Variants in PTPRQ observed in about 807,000 individuals in gnomAD.
PTPRQ encodes protein tyrosine phosphatase receptor type Q.
In PTPRQ, 199 loss-of-function variants were observed where a neutral mutation model predicts 246.0. The observed-to-expected ratio is 0.81, with a 90% CI of 0.72 to 0.91. The LOEUF (loss-of-function observed/expected upper bound fraction) is 0.91. Among genes scored for constraint, PTPRQ ranks in the 40% least tolerant of loss-of-function variants. The pLI is 0.00. For missense variants in PTPRQ, 2,624 were observed against 2,528.4 expected, an observed-to-expected ratio of 1.04 and a Z score of -0.81; for synonymous variants, 869 against 853.2, an observed-to-expected ratio of 1.02 and a Z score of -0.32.
At chr12:80,482,318 C>T (rs1338990719) in intron 8 of PTPRQ, among the ~76,000 whole-genome samples, 3 of 151,618 alleles carry the variant, frequency 2.0e-5, no homozygotes, top group African/African-American at 7.3e-5. Context: ...AACTGGCTAG[C>T]CATATGTAGA....
Position 80,648,937 on chromosome 12 carries a change from A to ATAT in PTPRQ, c.5942+16_5942+18dup, listed in dbSNP as rs1170962817. 1 of 1,501,658 alleles carries ATAT rather than the reference A, an allele frequency of 6.7e-7. No individual in the cohort carries two copies. The highest frequency in any genetic ancestry group is 8.9e-7 in the Non-Finnish European group (1 of 1,124,644). 93.0% of individuals were successfully genotyped at this position (1,501,658 alleles called of 1,614,324 possible). A position where few individuals can be genotyped will look rare whatever the true frequency, so the allele number is the denominator to read the frequency against. Reference sequence around the variant, plus strand: ...AAAATCCATCAAGTAAGTTTGTTAAATATTTTCTTTCTTCTTTTTGAATAT... The same window carrying ATAT: ...AAAATCCATCAAGTAAGTTTGTTAAATATTATTTTCTTTCTTCTTTTTGAATAT... On this transcript the variant is annotated intron_variant, in intron 36 of 44. Coordinates refer to ENST00000644991, the MANE Select transcript of PTPRQ (RefSeq NM_001145026.2).
chr12:80,559,943 A>G (rs766663324), intron 25 of PTPRQ, among the ~76,000 whole-genome samples: 5 of 152,154 alleles, frequency 3.3e-5, no homozygotes, highest in Admixed American at 6.5e-5. Context: ...CTGTTCCTCA[A>G]CCTTGGGAAC....
intron 16 of PTPRQ, 80 bp from the exon 17 acceptor site, chr12:80,510,243 A>G: frequency 7.7e-7 from 1 of 1,297,422 alleles, no homozygotes; most frequent in Non-Finnish European, 9.9e-7. Context: ...AGTTTATAAT[A>G]AAAATTGTGT....
intron 14 of PTPRQ, among the ~76,000 whole-genome samples, chr12:80,500,994 G>A (rs1485049202): frequency 6.6e-6 from 1 of 151,972 alleles, no homozygotes; most frequent in Non-Finnish European, 1.5e-5. Flanking sequence ...TATTTGCCCA[G>A]TGATATTAAT....
chr12:80,504,492 A>G (rs10862149), intron 14 of PTPRQ, among the ~76,000 whole-genome samples: 48,686 of 151,622 alleles, frequency 0.32, 9,072 homozygotes, highest in African/African-American at 0.51. Flanking sequence ...AAATCTGACT[A>G]CTGTGTATGT....
At chr12:80,560,014 C>G (rs1404560203) in intron 25 of PTPRQ, among the ~76,000 whole-genome samples, 1 of 152,188 alleles carries the variant, frequency 6.6e-6, no homozygotes, top group African/African-American at 2.4e-5. Context: ...CAAGCAGCCA[C>G]ATGTGGACAC....
intron 35 of PTPRQ, among the ~76,000 whole-genome samples, chr12:80,644,496 A>G (rs1592752757): frequency 6.6e-6 from 1 of 152,194 alleles, no homozygotes; most frequent in South Asian, 2.1e-4. Context: ...TAAAATGTTA[A>G]TAAAAAGTTT....
At chr12:80,555,894 C>A (rs1420690849) in intron 25 of PTPRQ, among the ~76,000 whole-genome samples, 1 of 152,110 alleles carries the variant, frequency 6.6e-6, no homozygotes, top group Non-Finnish European at 1.5e-5. Context: ...GGGTTCAAGA[C>A]CCAAGTTTGA....
At chr12:80,454,764 A>C (rs1892916333) in intron 3 of PTPRQ, among the ~76,000 whole-genome samples, 1 of 152,232 alleles carries the variant, frequency 6.6e-6, no homozygotes, top group East Asian at 1.9e-4. Context: ...ATTGAAAAAA[A>C]AACTTTAAGT....
intron 8 of PTPRQ, 131 bp downstream of exon 8, chr12:80,472,382 C>T: frequency 7.9e-7 from 1 of 1,261,452 alleles, no homozygotes; most frequent in Non-Finnish European, 1.1e-6. Flanking sequence ...AAATTACTAC[C>T]TAATTCATTC....
chr12:80,542,782 T>C lies in PTPRQ; in HGVS notation c.3774T>C (p.Phe1258=). ...NLTLINCTSD[F]VWLKWSPSPL... is the part of the protein sequence containing the mutation. The stretch of plus-strand genomic sequence containing the variant: ...CTTTAATCAACTGTACTTCAGACTT[T>C]GTATGGCTGAAATGGAGCCCAAGTC... The change falls in exon 23 of 45, where the codon TTT becomes TTC. Residue 1258 remains phenylalanine (F), a synonymous_variant. Transcript: ENST00000644991. The C allele has an allele frequency of 6.5e-7, 1 of 1,549,600 alleles. No homozygotes were observed. Among genetic ancestry groups the C allele is most frequent in the Non-Finnish European group, 8.7e-7 (1 of 1,146,026 alleles).
In PTPRQ at chr12:80,459,278, C is replaced by T. The variant is rs1222727133; in HGVS notation, c.461-6C>T. On this transcript the variant is annotated splice_region_variant and splice_polypyrimidine_tract_variant and intron_variant, in intron 4 of 44. Coordinates refer to ENST00000644991, the MANE Select transcript of PTPRQ (RefSeq NM_001145026.2). Reference sequence around the variant, plus strand: ...TTTTTTCCTTCCCAATCTTTCTCTTCCCCAGCTCCAGGAAAAGTGGTGAAT... The same window carrying T: ...TTTTTTCCTTCCCAATCTTTCTCTTTCCCAGCTCCAGGAAAAGTGGTGAAT... 6.0e-5 allele frequency: 24 copies of T among 398,222 alleles called. No homozygotes were observed. The East Asian group carries it at 7.8e-4, about 13-fold the overall frequency. The allele number at this position is 398,222 out of a possible 1,614,324, so 24.7% of individuals were successfully genotyped here.
chr12:80,471,959 A>G, intron 7 of PTPRQ, 146 bp from the exon 8 acceptor site: 1 of 945,968 alleles, frequency 1.1e-6, no homozygotes. Flanking sequence ...CCACATGTTT[A>G]AAATATATGC....
At chr12:80,576,050 C>T (rs1422518433) in intron 25 of PTPRQ, among the ~76,000 whole-genome samples, 2 of 151,994 alleles carry the variant, frequency 1.3e-5, no homozygotes, top group Non-Finnish European at 2.9e-5. Flanking sequence ...CCAATTCTTT[C>T]TTTATTCTTT....
intron 26 of PTPRQ, among the ~76,000 whole-genome samples, chr12:80,601,095 A>G (rs1898128420): frequency 6.6e-6 from 1 of 151,864 alleles, no homozygotes; most frequent in Admixed American, 6.6e-5. Flanking sequence ...GCATGAGCTG[A>G]CCACTATATT....
rs1260543293 is a variant in PTPRQ at position 80,477,667 on chromosome 12, T to C, written c.1186+5416T>C. ...GACAGTGGGCGCAGGTCAGTGGGTG[T>C]GCGCACCGTGTGCGAGCCGAAGCAG... On this transcript the variant is annotated intron_variant, in intron 8 of 44. Coordinates refer to ENST00000644991, the MANE Select transcript of PTPRQ (RefSeq NM_001145026.2). 3.3e-5 allele frequency among the ~76,000 whole-genome samples: 5 copies of C among 151,874 alleles called. No homozygotes were observed. In the South Asian group the frequency reaches 8.3e-4, roughly 25 times the overall value.
At chr12:80,586,152 G>T (rs960415058) in intron 25 of PTPRQ, among the ~76,000 whole-genome samples, 2 of 151,760 alleles carry the variant, frequency 1.3e-5, no homozygotes, top group African/African-American at 4.8e-5. Context: ...CATTTGGGTT[G>T]GTTCCAAGTC....
Position 80,679,564 on chromosome 12 carries a change from G to A in PTPRQ, c.*541G>A, listed in dbSNP as rs916661409. ...CCGAACAGCTGAACAGTAACCCCCT[G>A]ACACTGCAGGGATTACTTGGCCTTT... On this transcript the variant is annotated 3_prime_UTR_variant, in exon 45 of 45. Transcript: ENST00000644991. The A allele has an allele frequency of 5.3e-5, 8 of 152,036 alleles. No homozygotes were observed. Among genetic ancestry groups the A allele is most frequent in the African/African-American group, 1.7e-4 (7 of 41,408 alleles). The allele number at this position is 152,036 out of a possible 1,614,324, so 9.4% of individuals were successfully genotyped here. A position where few individuals can be genotyped will look rare whatever the true frequency, so the allele number is the denominator to read the frequency against.
At chr12:80,557,677 T>C (rs1896683007) in intron 25 of PTPRQ, among the ~76,000 whole-genome samples, 1 of 152,192 alleles carries the variant, frequency 6.6e-6, no homozygotes, top group South Asian at 2.1e-4. Context: ...TAGATTCAAA[T>C]GTAGTTATGA....
Sources: allele counts gnomAD v4.1 joint callset (sites outside exome capture counted in the v4.1 genomes callset), GRCh38; gene constraint gnomAD v4.1.1; transcripts MANE v1.5; gene names NCBI Gene and HGNC (gene_info 2026-07-23, HGNC 2026-07-21).